Variants in COG2 observed in about 807,000 individuals in gnomAD.
The protein encoded by COG2 is conserved oligomeric Golgi complex subunit 2.
A neutral mutation model predicts 90.6 loss-of-function variants in COG2; 52 were observed. The observed-to-expected ratio is 0.57, with a 90% CI of 0.46 to 0.72. COG2 has a LOEUF of 0.72. Among genes scored for constraint, COG2 ranks in the 30% least tolerant of loss-of-function variants. COG2 has a pLI of 0.00. For synonymous variants in COG2, 337 were observed against 320.4 expected, an observed-to-expected ratio of 1.05 and a Z score of -0.55; for missense variants, 829 against 891.2, an observed-to-expected ratio of 0.93 and a Z score of 0.89.
Position 230,675,085 on chromosome 1 carries a change from C to T in COG2, c.987C>T (p.Pro329=), listed in dbSNP as rs1474948136. The change falls in exon 9 of 18, where the codon CCC becomes CCT. Residue 329 remains proline (P), a synonymous_variant. Coordinates refer to ENST00000366669, the MANE Select transcript of COG2 (RefSeq NM_007357.3). ...TACAAGGATTAGAAGAAAAGTTACC[C>T]TCGCTTTTTAATCCTGGGAATCCCG... is the stretch of plus-strand genomic sequence containing the variant. ...QIVQGLEEKL[P]SLFNPGNPDA... is the part of the protein sequence containing the mutation. The T allele has an allele frequency of 1.2e-6, 2 of 1,612,450 alleles. No homozygotes were observed. The highest frequency in any genetic ancestry group is 1.7e-6 in the Non-Finnish European group (2 of 1,179,328).
chr1:230,663,663 CTATT>C (rs1221842485), intron 4 of COG2, among the ~76,000 whole-genome samples: 2 of 152,142 alleles, frequency 1.3e-5, no homozygotes, highest in Non-Finnish European at 2.9e-5. Context: ...TGCTTTGTAA[CTATT>C]TATTTAATGA....
chr1:230,667,446 A>G (rs1467260766), intron 5 of COG2, among the ~76,000 whole-genome samples: 2 of 152,124 alleles, frequency 1.3e-5, no homozygotes, highest in Non-Finnish European at 2.9e-5. Flanking sequence ...TATTCAGTAT[A>G]ATAGACACTG....
rs569634410 is a variant in COG2, at chr1:230,652,589, C to CT, written c.73-6874dup. 2.0e-3 allele frequency among the ~76,000 whole-genome samples: 297 copies of CT among 152,252 alleles called. 1 individual carries two copies. Among genetic ancestry groups the CT allele is most frequent in the African/African-American group, 7.0e-3 (290 of 41,548 alleles). On this transcript the variant is annotated intron_variant, in intron 1 of 17. Transcript: ENST00000366669. ...AATACGGAGCACAATTGGCAAGACTCTGTTTAGTTTTGTAAGAAACTGCCA... is the reference window on the plus strand; with the variant it reads ...AATACGGAGCACAATTGGCAAGACTCTTGTTTAGTTTTGTAAGAAACTGCCA...
Position 230,688,449 on chromosome 1 carries a change from T to G in COG2, c.1681T>G (p.Ser561Ala), listed in dbSNP as rs762727090. 4 of 1,614,076 alleles carry G rather than the reference T, an allele frequency of 2.5e-6. No individual in the cohort carries two copies. The Middle Eastern group carries it at 5.0e-4, about 201-fold the overall frequency. ...CCTGGAGGACTCCCAGAGCTCTTTTTCAGCCTGTGTGCCCTCCTTGAGTAG... is the reference window on the plus strand; with the variant it reads ...CCTGGAGGACTCCCAGAGCTCTTTTGCAGCCTGTGTGCCCTCCTTGAGTAG... ...AALEDSQSSF[S>A]ACVPSLSSKI... Residue 561 changes from serine (S) to alanine (A), a missense_variant, in exon 15 of 18, where the codon TCA becomes GCA. Physicochemically the swap from Ser to Ala is moderately conservative, Grantham distance 99 (BLOSUM62 1). Transcript: ENST00000366669.
rs1304436201 is a variant in COG2 at position 230,642,688 on chromosome 1, G to C, written c.72+10G>C. ...GGACGAGTTCATGAAGGTGCGCGCG[G>C]CGTCCGCTCCCCGGAGCCGGGCCAT... On this transcript the variant is annotated intron_variant, in intron 1 of 17. Coordinates refer to ENST00000366669, the MANE Select transcript of COG2 (RefSeq NM_007357.3). 1 of 1,611,032 alleles carries C rather than the reference G, an allele frequency of 6.2e-7. No homozygotes were observed. Among genetic ancestry groups the C allele is most frequent in the East Asian group, 2.2e-5 (1 of 44,716 alleles).
chr1:230,672,660 A>G (rs1662479147), intron 8 of COG2, among the ~76,000 whole-genome samples: 2 of 114,084 alleles, frequency 1.8e-5, no homozygotes, highest in African/African-American at 3.7e-5. Context: ...ACAAAACCCC[A>G]TCTTAAAAAA....
chr1:230,678,670 G>A lies in COG2; in HGVS notation c.1027-243G>A, dbSNP rs575117089. On this transcript the variant is annotated intron_variant, in intron 9 of 17. Transcript: ENST00000366669. Reference sequence around the variant, plus strand: ...CCATTTAAAGAGCACCAGACTTAGAGTGCCTGGGTCTCAGATGGGCTTTGC... The same window carrying A: ...CCATTTAAAGAGCACCAGACTTAGAATGCCTGGGTCTCAGATGGGCTTTGC... The A allele has an allele frequency of 1.6e-4, 230 of 1,421,418 alleles. 4 individuals are homozygous for A. The South Asian group carries it at 2.7e-3, about 17-fold the overall frequency. The allele number at this position is 1,421,418 out of a possible 1,614,324, so 88.1% of individuals were successfully genotyped here.
At position 230,690,158 on chromosome 1, in the gene COG2, G is replaced by A; in HGVS notation, c.1934+5G>A. On this transcript the variant is annotated splice_donor_5th_base_variant and intron_variant, in intron 16 of 17. Transcript: ENST00000366669. The stretch of plus-strand genomic sequence containing the variant: ...TCTCAGTGAAAGCACTCATAAGTAA[G>A]TAAATTAAAAGCAGACCTTGTGGGC... The A allele has an allele frequency of 1.2e-6, 2 of 1,610,914 alleles. No homozygotes were observed. The highest frequency in any genetic ancestry group is 1.7e-6 in the Non-Finnish European group (2 of 1,178,826).
At chr1:230,679,671 T>G (rs1329536100) in intron 10 of COG2, 1 of 152,238 alleles carries the variant, frequency 6.6e-6, no homozygotes, top group Non-Finnish European at 1.5e-5. Flanking sequence ...TATAAAATAC[T>G]TGGGGGAAAT....
intron 16 of COG2, 105 bp downstream of exon 16, chr1:230,690,258 C>CTTA: frequency 7.3e-6 from 7 of 956,888 alleles, no homozygotes; most frequent in Non-Finnish European, 1.1e-5. Flanking sequence ...GTGAGACTGC[C>CTTA]TAGCACTTCT....
Position 230,660,765 on chromosome 1 carries a change from T to C in COG2, c.242T>C (p.Met81Thr), listed in dbSNP as rs754168963. 64 of 1,586,636 alleles carry C rather than the reference T, an allele frequency of 4.0e-5. No homozygotes were observed. Among genetic ancestry groups the C allele is most frequent in the Non-Finnish European group, 5.5e-5 (64 of 1,169,070 alleles). The change falls in exon 3 of 18, where the codon ATG becomes ACG. Residue 81 changes from methionine to threonine, a missense_variant. Transcript: ENST00000366669. ...CATGATTTCTGCCTTTAGGTTGGCA[T>C]GGACAAAGCCCTCAACCAGCTTTCT... ...FVNLSTNLVG[M>T]DKALNQLSVP...
chr1:230,689,091 G>A (rs930046281), intron 15 of COG2, among the ~76,000 whole-genome samples: 2 of 152,038 alleles, frequency 1.3e-5, no homozygotes, highest in Admixed American at 6.6e-5. Context: ...AGCATTTTGG[G>A]AAGCCGAGGC....
intron 1 of COG2, among the ~76,000 whole-genome samples, chr1:230,652,347 A>G (rs1016269841): frequency 6.6e-6 from 1 of 152,210 alleles, no homozygotes; most frequent in Non-Finnish European, 1.5e-5. Flanking sequence ...TTAGAAATGT[A>G]CGTTTAAGAT....
At chr1:230,673,221 T>C (rs1256391546) in intron 8 of COG2, among the ~76,000 whole-genome samples, 5 of 152,132 alleles carry the variant, frequency 3.3e-5, no homozygotes, top group Non-Finnish European at 7.4e-5. Context: ...TTCCACAGTT[T>C]TTAGTGTGGG....
chr1:230,657,658 T>C (rs544728836), intron 1 of COG2, among the ~76,000 whole-genome samples: 2 of 152,346 alleles, frequency 1.3e-5, no homozygotes, highest in East Asian at 3.9e-4. Context: ...TTCTGAATAG[T>C]GTTTTCGAAC....
At chr1:230,675,984 G>A (rs1218877219) in intron 9 of COG2, among the ~76,000 whole-genome samples, 1 of 148,682 alleles carries the variant, frequency 6.7e-6, no homozygotes, top group Admixed American at 6.8e-5. Context: ...TCTTAAAAAA[G>A]AAATCATTAT....
intron 1 of COG2, among the ~76,000 whole-genome samples, chr1:230,651,749 C>G (rs1167401978): frequency 1.3e-5 from 2 of 152,152 alleles, no homozygotes; most frequent in African/African-American, 4.8e-5. Flanking sequence ...AGAAAAAAGT[C>G]TACTTTTAAA....
rs1350000577 is a variant in COG2 at position 230,642,802 on chromosome 1, GA to G, written c.72+125del. On this transcript the variant is annotated intron_variant, in intron 1 of 17. Coordinates refer to ENST00000366669, the MANE Select transcript of COG2 (RefSeq NM_007357.3). ...CGCTCAGTGTCAGGTCCTCCGCCGA[GA>G]CCTCGCTGCACTTCGCAATGAGTCT... 5 of 886,122 alleles carry G rather than the reference GA, an allele frequency of 5.6e-6. No homozygotes were observed. The Admixed American group carries it at 1.1e-4, about 19-fold the overall frequency. 54.9% of individuals were successfully genotyped at this position (886,122 alleles called of 1,614,324 possible).
In COG2 at chr1:230,659,387, T is replaced by C. The variant is rs1431631211; in HGVS notation, c.73-77T>C. 72 of 1,198,544 alleles carry C rather than the reference T, an allele frequency of 6.0e-5. 1 individual carries two copies. The highest frequency in any genetic ancestry group is 8.5e-5 in the Non-Finnish European group (69 of 813,798). The allele number at this position is 1,198,544 out of a possible 1,614,324, so 74.2% of individuals were successfully genotyped here. A position where few individuals can be genotyped will look rare whatever the true frequency, so the allele number is the denominator to read the frequency against. ...AAATGACGGGAATGGGCTTTCTTAC[T>C]CTTTCTTCCATTTCATTTGTATATG... On this transcript the variant is annotated intron_variant, in intron 1 of 17. Coordinates refer to ENST00000366669, the MANE Select transcript of COG2 (RefSeq NM_007357.3).
Sources: gnomAD v4.1 joint callset for allele counts (sites outside exome capture counted in the v4.1 genomes callset) on GRCh38, gnomAD v4.1.1 for gene constraint, MANE v1.5 for transcripts, NCBI Gene and HGNC (gene_info 2026-07-23, HGNC 2026-07-21) for gene names.